The following SEC24D variants were observed in gnomAD, a reference collection of about 807,000 sequenced individuals.
SEC24D encodes the protein protein transport protein Sec24D.
SEC24D carries 69 observed loss-of-function variants against 116.9 expected under a neutral mutation model. That is an observed-to-expected ratio of 0.59 (90% confidence interval 0.49 to 0.72). The LOEUF (loss-of-function observed/expected upper bound fraction) is 0.72, where lower values mean the gene tolerates loss of function less well. Ranked by LOEUF, SEC24D falls within the 30% of genes least tolerant of loss-of-function variation. The pLI, the probability that SEC24D is intolerant of heterozygous loss-of-function variation, is 0.00. For missense variants in SEC24D, 1,131 were observed against 1,264.1 expected (o/e 0.89, Z 1.60); for synonymous variants, 405 against 442.8 (o/e 0.91, Z 1.07).
intron 19 of SEC24D, among the ~76,000 whole-genome samples, chr4:118,735,417 T>G (rs1055454927): frequency 6.6e-6 from 1 of 152,118 alleles, no homozygotes; most frequent in African/African-American, 2.4e-5. Context: ...GAGAGTGAGG[T>G]GGGAGCAGTA....
At chr4:118,739,367 A>G (rs997711920) in intron 17 of SEC24D, 80 bp from the exon 18 acceptor site, 2 of 1,361,986 alleles carry the variant, frequency 1.5e-6, no homozygotes, top group Non-Finnish European at 2.0e-6. Flanking sequence ...TTGCATTTAC[A>G]AAACACTGTG....
chr4:118,795,520 A>G (rs965459762), intron 8 of SEC24D, among the ~76,000 whole-genome samples: 3 of 152,096 alleles, frequency 2.0e-5, no homozygotes, highest in African/African-American at 7.2e-5. Flanking sequence ...AAAACCTCTT[A>G]TAGTAGGCCA....
At chr4:118,776,136 A>C in intron 8 of SEC24D, among the ~76,000 whole-genome samples, 3 of 141,730 alleles carry the variant, frequency 2.1e-5, no homozygotes, top group South Asian at 2.5e-4. Context: ...GAGGAGGGGA[A>C]GGGGTAGGGG....
At chr4:118,829,330 TA>T (rs1215781248) in intron 2 of SEC24D, among the ~76,000 whole-genome samples, 1 of 151,230 alleles carries the variant, frequency 6.6e-6, no homozygotes, top group African/African-American at 2.4e-5. Context: ...CTGGGCAACA[TA>T]GTGAGACCCC....
chr4:118,751,209 G>A (rs1271621990), intron 13 of SEC24D, among the ~76,000 whole-genome samples: 3 of 101,110 alleles, frequency 3.0e-5, no homozygotes, highest in Admixed American at 1.4e-4. Flanking sequence ...ATGTAGTTTC[G>A]CTCTTGTTGC....
chr4:118,772,274 T>C (rs572098870), intron 8 of SEC24D, among the ~76,000 whole-genome samples: 49 of 152,318 alleles, frequency 3.2e-4, no homozygotes, highest in African/African-American at 1.1e-3. Context: ...GGTGGCACTA[T>C]GCAACTAAAA....
intron 6 of SEC24D, among the ~76,000 whole-genome samples, chr4:118,806,831 T>C (rs151060362): frequency 9.0e-4 from 136 of 151,638 alleles, no homozygotes; most frequent in Middle Eastern, 3.4e-3. Context: ...TAAAAAGGTT[T>C]AAAAAATTAG....
At position 118,723,471 on chromosome 4, in the gene SEC24D, A is replaced by T. The variant is rs1489357830; in HGVS notation, c.*44T>A. The T allele has an allele frequency of 6.3e-7, 1 of 1,580,680 alleles. No individual in the cohort carries two copies. Among genetic ancestry groups the T allele is most frequent in the Non-Finnish European group, 8.6e-7 (1 of 1,163,216 alleles). On this transcript the variant is annotated 3_prime_UTR_variant, in exon 23 of 23. Coordinates refer to ENST00000280551, the MANE Select transcript of SEC24D (RefSeq NM_014822.4). Reference sequence around the variant, plus strand: ...TAGAAAATTAGGCACCAAGAAGGAGATTATCTCCTTGGAAATGCAACATCA... The same window carrying T: ...TAGAAAATTAGGCACCAAGAAGGAGTTTATCTCCTTGGAAATGCAACATCA...
chr4:118,824,469 T>A, intron 3 of SEC24D, 151 bp downstream of exon 3: 1 of 796,606 alleles, frequency 1.3e-6, no homozygotes. Context: ...TTGCTTTGTT[T>A]CCTAGGGCAG....
intron 2 of SEC24D, 89 bp from the exon 3 acceptor site, chr4:118,824,838 G>C (rs1321177329): frequency 8.3e-7 from 1 of 1,205,476 alleles, no homozygotes; most frequent in African/African-American, 1.6e-5. Context: ...GAACTAGGTG[G>C]AGGAGGAGGG....
rs1730094705 is a variant in SEC24D at position 118,815,351 on chromosome 4, G to A, written c.673+100C>T. ...CTTCAAAAACTACCATTTCTTAAAAGTAAGTGACAGATACCTAGTAACATA... is the reference window on the plus strand; with the variant it reads ...CTTCAAAAACTACCATTTCTTAAAAATAAGTGACAGATACCTAGTAACATA... On this transcript the variant is annotated intron_variant, in intron 5 of 22. Transcript: ENST00000280551. The A allele has an allele frequency of 1.9e-5, 28 of 1,456,542 alleles. 1 individual carries two copies. The South Asian group carries it at 3.5e-4, about 18-fold the overall frequency. 90.2% of individuals were successfully genotyped at this position (1,456,542 alleles called of 1,614,324 possible).
At chr4:118,734,734 G>A (rs779399507) in intron 19 of SEC24D, among the ~76,000 whole-genome samples, 4 of 152,124 alleles carry the variant, frequency 2.6e-5, no homozygotes, top group Non-Finnish European at 4.4e-5. Context: ...TGTTTCCCCC[G>A]TCAACTTCTA....
At chr4:118,769,534 G>T (rs536312935) in intron 8 of SEC24D, among the ~76,000 whole-genome samples, 4 of 152,112 alleles carry the variant, frequency 2.6e-5, no homozygotes, top group Admixed American at 2.6e-4. Context: ...GGTCAGTGGG[G>T]TAGGGGCATC....
At chr4:118,739,984 C>G (rs544869755) in intron 17 of SEC24D, among the ~76,000 whole-genome samples, 1 of 152,214 alleles carries the variant, frequency 6.6e-6, no homozygotes, top group African/African-American at 2.4e-5. Flanking sequence ...AACTGTGGCT[C>G]CTCAAATGTC....
rs147813306 is a variant in SEC24D at position 118,805,908 on chromosome 4, T to A, written c.848A>T (p.Tyr283Phe). The stretch of plus-strand genomic sequence containing the variant: ...GATCTGGCCTCTGGTGTTGGTGGCA[T>A]AAACTTGTCCTCCTCTGCTGGCTCT... ...NDRASRGGQV[Y>F]ATNTRGQIPP... The change falls in exon 7 of 23, where the codon TAT becomes TTT. Residue 283 changes from tyrosine (Y) to phenylalanine (F), a missense_variant. Physicochemically the swap from Tyr to Phe is conservative, Grantham distance 22 (BLOSUM62 3). Coordinates refer to ENST00000280551, the MANE Select transcript of SEC24D (RefSeq NM_014822.4). The A allele has an allele frequency of 6.3e-7, 1 of 1,597,522 alleles. No individual in the cohort carries two copies. The highest frequency in any genetic ancestry group is 1.2e-5 in the South Asian group (1 of 86,564).
chr4:118,793,112 G>A (rs1729005354), intron 8 of SEC24D, among the ~76,000 whole-genome samples: 1 of 152,070 alleles, frequency 6.6e-6, no homozygotes, highest in Non-Finnish European at 1.5e-5. Flanking sequence ...AATGTTCCCT[G>A]CCTGTGACGT....
chr4:118,818,424 C>T (rs1435407895), intron 3 of SEC24D, among the ~76,000 whole-genome samples: 1 of 152,146 alleles, frequency 6.6e-6, no homozygotes, highest in Non-Finnish European at 1.5e-5. Context: ...CTAGGACCAG[C>T]GTTTTTCCAG....
At chr4:118,733,542 T>A (rs1160480191) in intron 19 of SEC24D, among the ~76,000 whole-genome samples, 1 of 152,140 alleles carries the variant, frequency 6.6e-6, no homozygotes, top group Non-Finnish European at 1.5e-5. Flanking sequence ...CTGTGCAAAG[T>A]GTCAAGGATA....
At chr4:118,739,436 A>C in intron 17 of SEC24D, 149 bp from the exon 18 acceptor site, 1 of 672,324 alleles carries the variant, frequency 1.5e-6, no homozygotes, top group Non-Finnish European at 2.4e-6. Flanking sequence ...ATTATTGTTA[A>C]AGAATGAACA....
Sources: gnomAD v4.1 joint callset for allele counts (sites outside exome capture counted in the v4.1 genomes callset) on GRCh38, gnomAD v4.1.1 for gene constraint, MANE v1.5 for transcripts, NCBI Gene and HGNC (gene_info 2026-07-23, HGNC 2026-07-21) for gene names.